Variants in FAM184B observed in about 807,000 individuals in gnomAD.
FAM184B encodes the protein protein FAM184B.
In FAM184B, 111 loss-of-function variants were observed where a neutral mutation model predicts 135.9. The observed-to-expected ratio is 0.82, with a 90% CI of 0.70 to 0.96. The LOEUF (loss-of-function observed/expected upper bound fraction) is 0.96, where lower values mean the gene tolerates loss of function less well. Among genes scored for constraint, FAM184B ranks in the 40% least tolerant of loss-of-function variants. FAM184B has a pLI of 0.00. For synonymous variants in FAM184B, 552 were observed against 524.8 expected (o/e 1.05, Z -0.71); for missense variants, 1,375 against 1,323.9 (o/e 1.04, Z -0.60).
intron 12 of FAM184B, among the ~76,000 whole-genome samples, chr4:17,645,393 A>G (rs1433002632): frequency 6.6e-6 from 1 of 152,232 alleles, no homozygotes; most frequent in African/African-American, 2.4e-5. Flanking sequence ...AGACCAATGG[A>G]ACACAACAGA....
At chr4:17,752,916 C>G (rs972372421) in intron 1 of FAM184B, among the ~76,000 whole-genome samples, 2 of 152,210 alleles carry the variant, frequency 1.3e-5, no homozygotes, top group African/African-American at 2.4e-5. Context: ...GATTGACACC[C>G]AAGTTTCTCT....
At chr4:17,752,654 A>T (rs985935154) in intron 1 of FAM184B, among the ~76,000 whole-genome samples, 1 of 152,302 alleles carries the variant, frequency 6.6e-6, no homozygotes, top group East Asian at 1.9e-4. Flanking sequence ...ACATCACAAG[A>T]GTCTACTGCA....
intron 7 of FAM184B, among the ~76,000 whole-genome samples, chr4:17,685,683 T>G (rs539651325): frequency 1.1e-4 from 16 of 152,140 alleles, no homozygotes; most frequent in African/African-American, 3.9e-4. Context: ...GGTTCTCAAC[T>G]GGGGATAATT....
At chr4:17,756,688 G>C (rs1183705190) in intron 1 of FAM184B, among the ~76,000 whole-genome samples, 2 of 152,170 alleles carry the variant, frequency 1.3e-5, no homozygotes, top group African/African-American at 4.8e-5. Flanking sequence ...ACTTTGGAAG[G>C]CTGAGGAGGG....
At chr4:17,724,622 G>A (rs1311669084) in intron 1 of FAM184B, among the ~76,000 whole-genome samples, 2 of 152,198 alleles carry the variant, frequency 1.3e-5, no homozygotes. Context: ...TGCTGATGAT[G>A]TAACGAGGTG....
At chr4:17,643,130 A>G (rs1715371645) in intron 12 of FAM184B, among the ~76,000 whole-genome samples, 1 of 152,282 alleles carries the variant, frequency 6.6e-6, no homozygotes, top group Middle Eastern at 3.4e-3. Context: ...CTCTGTGGGG[A>G]CAATCCTTGA....
At chr4:17,701,436 C>T (rs887002018) in intron 5 of FAM184B, among the ~76,000 whole-genome samples, 1 of 152,200 alleles carries the variant, frequency 6.6e-6, no homozygotes, top group Non-Finnish European at 1.5e-5. Context: ...AAAACAACAA[C>T]AGAGCTGAGG....
intron 12 of FAM184B, among the ~76,000 whole-genome samples, chr4:17,644,861 A>T (rs1320216141): frequency 1.3e-5 from 2 of 152,224 alleles, no homozygotes; most frequent in African/African-American, 4.8e-5. Flanking sequence ...AAACCTCCTT[A>T]AGCTGATAAG....
chr4:17,679,519 C>T (rs1716389003), intron 7 of FAM184B, among the ~76,000 whole-genome samples: 2 of 152,064 alleles, frequency 1.3e-5, no homozygotes, highest in African/African-American at 4.8e-5. Context: ...TAAAAAAGAA[C>T]ACATGTTGAC....
intron 1 of FAM184B, among the ~76,000 whole-genome samples, chr4:17,739,674 C>T (rs1422919613): frequency 6.9e-6 from 1 of 144,452 alleles, no homozygotes; most frequent in Non-Finnish European, 1.5e-5. Context: ...CCTGCCTCAG[C>T]GTCCTGACTA....
chr4:17,670,857 C>A (rs559616237), intron 7 of FAM184B, among the ~76,000 whole-genome samples: 2 of 152,226 alleles, frequency 1.3e-5, no homozygotes, highest in Admixed American at 6.5e-5. Flanking sequence ...TGCACTGACA[C>A]TCAGCTGTGC....
At chr4:17,742,151 TATATATATA>T (rs1312434601) in intron 1 of FAM184B, among the ~76,000 whole-genome samples, 9 of 75,340 alleles carry the variant, frequency 1.2e-4, no homozygotes, top group Non-Finnish European at 1.7e-4. Context: ...TATATATATA[TATATATATA>T]TATATATATT....
At chr4:17,713,166 AC>A (rs892287855) in intron 1 of FAM184B, among the ~76,000 whole-genome samples, 21 of 152,160 alleles carry the variant, frequency 1.4e-4, no homozygotes, top group Non-Finnish European at 2.9e-5. Context: ...TCAAGTGGAC[AC>A]TCTAAAAATT....
intron 10 of FAM184B, among the ~76,000 whole-genome samples, chr4:17,654,525 G>T (rs1715737631): frequency 6.6e-6 from 1 of 152,192 alleles, no homozygotes; most frequent in Non-Finnish European, 1.5e-5. Flanking sequence ...CAGGAAACTG[G>T]GGCTAGAAAG....
chr4:17,770,285 G>C (rs1173272667), intron 1 of FAM184B, among the ~76,000 whole-genome samples: 1 of 152,232 alleles, frequency 6.6e-6, no homozygotes, highest in African/African-American at 2.4e-5. Flanking sequence ...GTGGGCAAGA[G>C]TGGGCCACAA....
intron 1 of FAM184B, among the ~76,000 whole-genome samples, chr4:17,778,332 T>C (rs1718972346): frequency 6.6e-6 from 1 of 152,188 alleles, no homozygotes; most frequent in Non-Finnish European, 1.5e-5. Context: ...TAGAATTTTA[T>C]ATCCAAATAA....
At chr4:17,658,780 G>A (rs1410738529) in intron 9 of FAM184B, among the ~76,000 whole-genome samples, 3 of 152,156 alleles carry the variant, frequency 2.0e-5, no homozygotes, top group Non-Finnish European at 4.4e-5. Flanking sequence ...GAGGGGTGGG[G>A]ACATCAACCT....
rs143271898 is a variant in FAM184B, at chr4:17,698,473, C to T, written c.1378-5061G>A. On this transcript the variant is annotated intron_variant, in intron 5 of 17. Coordinates refer to ENST00000265018, the MANE Select transcript of FAM184B (RefSeq NM_015688.2). The stretch of plus-strand genomic sequence containing the variant: ...TGTAGAGATTTCAGTTGGCGTATTA[C>T]GAGAAAACTTGTTAACTTTTTTCAA... Among the ~76,000 whole-genome samples the T allele has an allele frequency of 2.6e-5, 4 of 152,224 alleles. 1 individual carries two copies. The highest frequency in any genetic ancestry group is 6.5e-5 in the Admixed American group (1 of 15,288).
intron 1 of FAM184B, among the ~76,000 whole-genome samples, chr4:17,777,940 A>T (rs1043315460): frequency 2.0e-5 from 3 of 152,150 alleles, no homozygotes; most frequent in Non-Finnish European, 4.4e-5. Context: ...TCTACAAAAA[A>T]TTTTTTAAAA....
Sources: gnomAD v4.1 joint callset for allele counts (sites outside exome capture counted in the v4.1 genomes callset) on GRCh38, gnomAD v4.1.1 for gene constraint, MANE v1.5 for transcripts, NCBI Gene and HGNC (gene_info 2026-07-23, HGNC 2026-07-21) for gene names.